GON4L: variants seen among roughly 807,000 people sequenced by gnomAD.
GON4L encodes the protein GON-4-like protein.
GON4L carries 87 observed loss-of-function variants against 211.8 expected under a neutral mutation model. The observed-to-expected ratio is 0.41, with a 90% CI of 0.35 to 0.49. The LOEUF is 0.49. Among genes scored for constraint, GON4L ranks in the 20% least tolerant of loss-of-function variants. The pLI is 0.15. For missense variants in GON4L, 2,155 were observed against 2,659.5 expected (o/e 0.81, Z 4.17); for synonymous variants, 875 against 962.6 (o/e 0.91, Z 1.68).
intron 14 of GON4L, among the ~76,000 whole-genome samples, chr1:155,779,918 C>A (rs1233853196): frequency 6.6e-6 from 1 of 152,102 alleles, no homozygotes; most frequent in Non-Finnish European, 1.5e-5. Flanking sequence ...CTGCCTCAGC[C>A]TCCAGAGTAG....
At chr1:155,821,209 T>C (rs1338224366) in intron 5 of GON4L, among the ~76,000 whole-genome samples, 1 of 151,870 alleles carries the variant, frequency 6.6e-6, no homozygotes, top group Non-Finnish European at 1.5e-5. Context: ...GAGCTTGCAA[T>C]GAGCCAAGAT....
At chr1:155,827,142 T>C in intron 2 of GON4L, 114 bp from the exon 3 acceptor site, 1 of 776,232 alleles carries the variant, frequency 1.3e-6, no homozygotes, top group South Asian at 1.5e-5. Context: ...GAATTAAGCA[T>C]ATACTATATA....
chr1:155,796,003 C>G (rs1447944677), intron 11 of GON4L, among the ~76,000 whole-genome samples: 1 of 152,028 alleles, frequency 6.6e-6, no homozygotes, highest in Admixed American at 6.6e-5. Context: ...ATTCTAATAT[C>G]TGAAAAAATC....
intron 10 of GON4L, among the ~76,000 whole-genome samples, chr1:155,809,719 A>G (rs1226369249): frequency 1.3e-5 from 1 of 74,738 alleles, no homozygotes; most frequent in Non-Finnish European, 2.4e-5. Context: ...ATATACTTAT[A>G]TATACTTATA....
rs563479051 is a variant in GON4L, at chr1:155,789,672, T to G, written c.1748-4298A>C. ...TCTGAAATGCATTTGAAAACTAAGA[T>G]GCATCCACAGACGGACAGGGAGATG... On this transcript the variant is annotated intron_variant, in intron 12 of 31. Coordinates refer to ENST00000368331, the MANE Select transcript of GON4L (RefSeq NM_001282860.2). Among the ~76,000 whole-genome samples the G allele has an allele frequency of 1.3e-3, 190 of 151,776 alleles. 1 individual carries two copies. The highest frequency in any genetic ancestry group is 4.4e-3 in the African/African-American group (183 of 41,378).
At chr1:155,828,551 A>C (rs1006356253) in intron 2 of GON4L, among the ~76,000 whole-genome samples, 2 of 151,982 alleles carry the variant, frequency 1.3e-5, no homozygotes, top group Non-Finnish European at 2.9e-5. Flanking sequence ...TCACGCCTGT[A>C]ATCTCAGCAC....
intron 23 of GON4L, among the ~76,000 whole-genome samples, chr1:155,761,961 G>C (rs764276686): frequency 6.6e-6 from 1 of 152,098 alleles, no homozygotes; most frequent in Non-Finnish European, 1.5e-5. Flanking sequence ...GCCAATCTCT[G>C]GTCAACAGAA....
chr1:155,748,293 A>G (rs1341121011), downstream of GON4L: 61 of 1,289,152 alleles, frequency 4.7e-5, no homozygotes, highest in Non-Finnish European at 6.2e-5. Context: ...CCTGGGGTCA[A>G]ACATACCCCT....
At chr1:155,785,006 C>G (rs1044199182) in intron 13 of GON4L, 1 of 388,880 alleles carries the variant, frequency 2.6e-6, no homozygotes, top group Non-Finnish European at 4.9e-6. Context: ...GAGGCTTAGA[C>G]GAAGGACTGC....
intron 13 of GON4L, chr1:155,785,130 T>A: frequency 1.5e-6 from 1 of 655,702 alleles, no homozygotes; most frequent in Non-Finnish European, 2.8e-6. Flanking sequence ...AAAATGTTAA[T>A]AAGAACAACA....
rs372207876 is a variant in GON4L at position 155,762,255 on chromosome 1, T to G, written c.4846A>C (p.Ile1616Leu). The G allele has an allele frequency of 3.1e-5, 50 of 1,612,766 alleles. No individual in the cohort carries two copies. Among genetic ancestry groups the G allele is most frequent in the Non-Finnish European group, 4.2e-5 (50 of 1,179,468 alleles). ...SKLLLLYDED[I>L]LERDPLREQK... ...TCCCTGAGTGGATCTCGCTCGAGAA[T>G]GTCCTCATCATACAGCAACAGCAGC... Residue 1616 changes from isoleucine to leucine, a missense_variant, in exon 23 of 32, where the codon ATT becomes CTT. Around this residue, in one of 6 missense-constraint regions of GON4L, gnomAD observed 455 missense variants for 504.6 expected, o/e 0.90. Coordinates refer to ENST00000368331, the MANE Select transcript of GON4L (RefSeq NM_001282860.2).
chr1:155,772,258 A>G (rs1381220823), intron 18 of GON4L, among the ~76,000 whole-genome samples: 1 of 152,168 alleles, frequency 6.6e-6, no homozygotes, highest in African/African-American at 2.4e-5. Flanking sequence ...GACGAGCTGT[A>G]TACTAACAAT....
chr1:155,823,935 T>C (rs1668949138), intron 3 of GON4L, among the ~76,000 whole-genome samples: 1 of 152,150 alleles, frequency 6.6e-6, no homozygotes, highest in African/African-American at 2.4e-5. Context: ...AAGAAGTCTT[T>C]AGTCATGTGT....
intron 11 of GON4L, among the ~76,000 whole-genome samples, chr1:155,795,688 G>A (rs1340184978): frequency 1.3e-5 from 2 of 152,070 alleles, no homozygotes; most frequent in Non-Finnish European, 2.9e-5. Context: ...CACCCAGGCT[G>A]AAGTGCAGTG....
Position 155,783,980 on chromosome 1 carries a change from G to C in GON4L, c.1892+6C>G, listed in dbSNP as rs1278535215. The C allele has an allele frequency of 1.9e-6, 3 of 1,613,198 alleles. No individual in the cohort carries two copies. Among genetic ancestry groups the C allele is most frequent in the Non-Finnish European group, 2.5e-6 (3 of 1,179,288 alleles). ...TTCCAAATCTCAAGGTCTTCAACTA[G>C]CCTACCGTAGAGCTTGAGGGGTGTT... On this transcript the variant is annotated splice_donor_region_variant and intron_variant, in intron 14 of 31. Transcript: ENST00000368331.
At chr1:155,832,078 C>G (rs1669831264) in intron 2 of GON4L, among the ~76,000 whole-genome samples, 1 of 151,598 alleles carries the variant, frequency 6.6e-6, no homozygotes. Context: ...AGTTCAAGAC[C>G]AGCCTGGCCA....
Position 155,765,194 on chromosome 1 carries a change from G to A in GON4L, c.4279C>T (p.Pro1427Ser). ...SMDPEVRLSS[P>S]PGKPEDSSSV... Reference sequence around the variant, plus strand: ...GATGAATCTTCTGGCTTCCCTGGGGGGCTACTAAGCCTCACTTCAGGATCC... The same window carrying A: ...GATGAATCTTCTGGCTTCCCTGGGGAGCTACTAAGCCTCACTTCAGGATCC... Residue 1427 changes from proline (P) to serine (S), a missense_variant, in exon 21 of 32, where the codon CCC (proline) becomes TCC (serine). By Grantham distance (74) the Pro-to-Ser change is moderately conservative (BLOSUM62 -1). Around this residue, in one of 6 missense-constraint regions of GON4L, gnomAD observed 615 missense variants for 625.7 expected, o/e 0.98. Transcript: ENST00000368331. 1 of 1,614,136 alleles carries A rather than the reference G, an allele frequency of 6.2e-7. No homozygotes were observed.
At chr1:155,852,646 G>A (rs1671905101) in intron 2 of GON4L, among the ~76,000 whole-genome samples, 1 of 152,248 alleles carries the variant, frequency 6.6e-6, no homozygotes, top group South Asian at 2.1e-4. Flanking sequence ...GGGAGGCTGA[G>A]GCAGGAGAAT....
chr1:155,826,386 A>G (rs2102297699), intron 3 of GON4L, among the ~76,000 whole-genome samples: 1 of 151,882 alleles, frequency 6.6e-6, no homozygotes, highest in South Asian at 2.1e-4. Context: ...CCAACATAGC[A>G]AAACCCTGTC....
Sources: allele counts gnomAD v4.1 joint callset (sites outside exome capture counted in the v4.1 genomes callset), GRCh38; gene constraint gnomAD v4.1.1; regional missense constraint gnomAD v4.1.1; transcripts MANE v1.5; gene names NCBI Gene and HGNC (gene_info 2026-07-23, HGNC 2026-07-21).